COX11: variants seen among roughly 807,000 people sequenced by gnomAD.
COX11 encodes cytochrome c oxidase assembly protein COX11, mitochondrial.
In COX11, 18 loss-of-function variants were observed where a neutral mutation model predicts 29.4. The ratio of observed to expected loss-of-function variants is 0.61; its 90% CI spans 0.42 to 0.91. COX11 has a LOEUF of 0.91. Ranked by LOEUF, COX11 falls within the 40% of genes least tolerant of loss-of-function variation. The probability of loss-of-function intolerance (pLI) is 0.00; values close to 1 mark genes in which losing one functional copy is unlikely to be tolerated. For missense variants in COX11, 312 were observed against 346.0 expected, an observed-to-expected ratio of 0.90 and a Z score of 0.78; for synonymous variants, 131 against 124.0, an observed-to-expected ratio of 1.06 and a Z score of -0.38.
downstream of COX11, among the ~76,000 whole-genome samples, chr17:54,958,748 A>AAAAAAAAAAAAGG (rs372776781): frequency 8.4e-5 from 10 of 118,928 alleles, no homozygotes; most frequent in South Asian, 2.6e-4. Flanking sequence ...AAAAAAAAAA[A>AAAAAAAAAAAAGG]GGGGTTGTTG....
exon 1 of COX11, chr17:54,953,711 ATCT>A (rs1443461629): frequency 2.0e-5 from 3 of 152,162 alleles, no homozygotes; most frequent in South Asian, 4.1e-4. Context: ...GGGCTGCCGC[ATCT>A]TCTTGTCTTC....
intron 1 of COX11, among the ~76,000 whole-genome samples, chr17:54,967,040 GCGCACACA>G (rs1256491943): frequency 1.8e-4 from 7 of 38,448 alleles, no homozygotes; most frequent in African/African-American, 3.8e-4. Context: ...GTGCGCGCGC[GCGCACACA>G]CACACACACA....
Position 54,967,996 on chromosome 17 carries a change from C to CTTTTTT in COX11, c.366+279_366+284dup, listed in dbSNP as rs66732337. On this transcript the variant is annotated intron_variant, in intron 1 of 3. Coordinates refer to ENST00000299335, the MANE Select transcript of COX11 (RefSeq NM_004375.5). ...AGATACCCGGTTAGAGGCTGCGGAC[C>CTTTTTT]TTTTTTTTTTTTTTTGGCGAGGTGC... is the stretch of plus-strand genomic sequence containing the variant. Among the ~76,000 whole-genome samples, 801 of 124,436 alleles carry CTTTTTT rather than the reference C, an allele frequency of 6.4e-3. 36 individuals are homozygous for CTTTTTT. The highest frequency in any genetic ancestry group is 0.011 in the South Asian group (43 of 3,836). 81.6% of individuals were successfully genotyped at this position (124,436 alleles called of 152,430 possible). A position where few individuals can be genotyped will look rare whatever the true frequency, so the allele number is the denominator to read the frequency against.
At position 54,962,313 on chromosome 17, in the gene COX11, T is replaced by C. The variant is rs528297062; in HGVS notation, c.*420A>G. 1.5e-4 allele frequency: 153 copies of C among 987,136 alleles called. No individual in the cohort carries two copies. The African/African-American group carries it at 2.5e-3, about 16-fold the overall frequency. The allele number at this position is 987,136 out of a possible 1,614,324, so 61.1% of individuals were successfully genotyped here. A position where few individuals can be genotyped will look rare whatever the true frequency, so the allele number is the denominator to read the frequency against. ...TAGCAACCAACTCTTTTAGACACAA[T>C]AAACATGGTTAGAAGTTCTGGCCTA... is the stretch of plus-strand genomic sequence containing the variant. On this transcript the variant is annotated 3_prime_UTR_variant, in exon 4 of 4. Coordinates refer to ENST00000299335, the MANE Select transcript of COX11 (RefSeq NM_004375.5).
intron 3 of COX11, 108 bp downstream of exon 3, chr17:54,963,198 G>C (rs1401616175): frequency 8.8e-6 from 11 of 1,256,908 alleles, no homozygotes; most frequent in African/African-American, 1.5e-5. Flanking sequence ...TTGATGTTTA[G>C]AAGAAATTCG....
downstream of COX11, among the ~76,000 whole-genome samples, chr17:54,958,748 A>AAAAAAAGG (rs372776781): frequency 7.4e-4 from 88 of 118,902 alleles, 2 homozygotes; most frequent in Non-Finnish European, 9.7e-4. Context: ...AAAAAAAAAA[A>AAAAAAAGG]GGGGTTGTTG....
rs1156423533 is a variant in COX11 at position 54,964,703 on chromosome 17, TTC to T, written c.514_515del (p.Glu172AsnfsTer16). 1 of 1,613,766 alleles carries T rather than the reference TTC, an allele frequency of 6.2e-7. No homozygotes were observed. The highest frequency in any genetic ancestry group is 1.1e-5 in the South Asian group (1 of 91,064). On this transcript the variant is annotated frameshift_variant, in exon 2 of 4. Coordinates refer to ENST00000299335, the MANE Select transcript of COX11 (RefSeq NM_004375.5). LOFTEE classifies it high-confidence loss of function. ...LQWNFRPQQT[E>X]IYVVPGETAL... ...TGACTGGTTAGTCACTTACATATAT[TTC>T]TGTTTGCTGAGGTCTAAAGTTCCAC...
Position 54,964,763 on chromosome 17 carries a change from A to G in COX11, c.456T>C (p.Ile152=), listed in dbSNP as rs769891187. ...TTGCATGCACATCTGCATTAAAGCT[A>G]ATTTTAATGATTCGATCTTTAACAG... ...MVPVKDRIIK[I]SFNADVHASL... Residue 152 remains isoleucine, a synonymous_variant, in exon 2 of 4, where the codon ATT becomes ATC. Transcript: ENST00000299335. 83 of 1,613,948 alleles carry G rather than the reference A, an allele frequency of 5.1e-5. No homozygotes were observed. Among genetic ancestry groups the G allele is most frequent in the Non-Finnish European group, 6.2e-5 (73 of 1,179,960 alleles).
At position 54,952,417 on chromosome 17, in the gene COX11, C is replaced by T. The variant is rs377639921; in HGVS notation, n.2733G>A. On this transcript the variant is annotated non_coding_transcript_exon_variant, in exon 1 of 1. Coordinates refer to the COX11 transcript ENST00000572088. Reference sequence around the variant, plus strand: ...CAAAAATTAGGCAGGTGTGGTGGTGCGCACCTGTAGTCCCAGCTACTCAGG... The same window carrying T: ...CAAAAATTAGGCAGGTGTGGTGGTGTGCACCTGTAGTCCCAGCTACTCAGG... 1.5e-3 allele frequency: 221 copies of T among 151,886 alleles called. 6 individuals are homozygous for T. In the South Asian group the frequency reaches 0.043, roughly 30 times the overall value. 9.4% of individuals were successfully genotyped at this position (151,886 alleles called of 1,614,324 possible).
Position 54,968,615 on chromosome 17 carries a change from C to T in COX11, c.32G>A (p.Cys11Tyr). 20 of 1,612,908 alleles carry T rather than the reference C, an allele frequency of 1.2e-5. No homozygotes were observed. Among genetic ancestry groups the T allele is most frequent in the Non-Finnish European group, 1.5e-5 (18 of 1,180,008 alleles). Reference protein sequence around the residue: MGGLWRPGWRCVPFCGWRWIH... With the variant: MGGLWRPGWRYVPFCGWRWIH... ...CCAGCGCCAGCCACAGAAAGGAACGCACCTCCATCCAGGACGCCAGAGCCC... is the reference window on the plus strand; with the variant it reads ...CCAGCGCCAGCCACAGAAAGGAACGTACCTCCATCCAGGACGCCAGAGCCC... Residue 11 changes from cysteine to tyrosine, a missense_variant, in exon 1 of 4, where the codon TGC becomes TAC. By Grantham distance (194) the Cys-to-Tyr change is radical (BLOSUM62 -2). Coordinates refer to ENST00000299335, the MANE Select transcript of COX11 (RefSeq NM_004375.5).
At chr17:54,964,584 G>T in intron 2 of COX11, 113 bp downstream of exon 2, 3 of 988,264 alleles carry the variant, frequency 3.0e-6, no homozygotes, top group Non-Finnish European at 4.6e-6. Flanking sequence ...AATGGAAAAT[G>T]CCATGTTTTA....
chr17:54,968,545 C>T lies in COX11; in HGVS notation c.102G>A (p.Pro34=). 1 of 1,613,140 alleles carries T rather than the reference C, an allele frequency of 6.2e-7. No individual in the cohort carries two copies. Among genetic ancestry groups the T allele is most frequent in the East Asian group, 2.2e-5 (1 of 44,842 alleles). Residue 34 remains proline, a synonymous_variant, in exon 1 of 4, where the codon CCG becomes CCA. Transcript: ENST00000299335. ...TCCCACTCCACTCTGGCCTAAGAAACGGCTCTACCCTCTCTGCAGCCCTGG... is the reference window on the plus strand; with the variant it reads ...TCCCACTCCACTCTGGCCTAAGAAATGGCTCTACCCTCTCTGCAGCCCTGG... The part of the protein sequence containing the change: ...SPTRAAERVE[P]FLRPEWSGTG...
chr17:54,962,705 ACTT>A lies in COX11; in HGVS notation c.*25_*27del. ...ATATATGATTTTCCCAAAAATCACA[ACTT>A]TGAAGGAAGACTTAGTTGCTGACTT... is the stretch of plus-strand genomic sequence containing the variant. On this transcript the variant is annotated 3_prime_UTR_variant, in exon 4 of 4. Coordinates refer to ENST00000299335, the MANE Select transcript of COX11 (RefSeq NM_004375.5). 6.2e-7 allele frequency: 1 copy of A among 1,601,144 alleles called. No individual in the cohort carries two copies. Among genetic ancestry groups the A allele is most frequent in the South Asian group, 1.1e-5 (1 of 87,640 alleles).
chr17:54,959,361 C>A (rs987926512), downstream of COX11: 1 of 152,050 alleles, frequency 6.6e-6, no homozygotes, highest in Non-Finnish European at 1.5e-5. Context: ...GCCTCTAATC[C>A]CAACATTTTG....
At chr17:54,966,723 G>T (rs12952523) in intron 1 of COX11, among the ~76,000 whole-genome samples, 26,571 of 152,184 alleles carry the variant, frequency 0.17, 2,984 homozygotes, top group Non-Finnish European at 0.24. Context: ...GGTAGTTTTA[G>T]AATTCATGCT....
rs2077298846 is a variant in COX11 at position 54,968,141 on chromosome 17, T to C, written c.366+140A>G. On this transcript the variant is annotated intron_variant, in intron 1 of 3. Transcript: ENST00000299335. ...TGACTTTGGGTGTTAAGTGACTGTT[T>C]TGAACCTCTCTCCTCTTAGGTAGAT... 9 of 1,356,314 alleles carry C rather than the reference T, an allele frequency of 6.6e-6. No homozygotes were observed. In the South Asian group the frequency reaches 8.7e-5, roughly 13 times the overall value. 84.0% of individuals were successfully genotyped at this position (1,356,314 alleles called of 1,614,324 possible).
chr17:54,952,546 CAAAAA>C (rs71159275), exon 1 of COX11: 1,363 of 90,168 alleles, frequency 0.015, 19 homozygotes, highest in African/African-American at 0.053. Flanking sequence ...GAGACTGTCT[CAAAAA>C]AAAAAAAAAA....
chr17:54,952,139 G>A (rs1379245059), exon 1 of COX11: 2 of 152,140 alleles, frequency 1.3e-5, no homozygotes, highest in Non-Finnish European at 2.9e-5. Context: ...TTACGAAGAG[G>A]TTAAAGATGC....
In COX11 at chr17:54,962,327, A is replaced by C. The variant is rs985849676; in HGVS notation, c.*406T>G. 3 of 987,402 alleles carry C rather than the reference A, an allele frequency of 3.0e-6. No individual in the cohort carries two copies. The African/African-American group carries it at 5.2e-5, about 17-fold the overall frequency. 61.2% of individuals were successfully genotyped at this position (987,402 alleles called of 1,614,324 possible). A position where few individuals can be genotyped will look rare whatever the true frequency, so the allele number is the denominator to read the frequency against. The stretch of plus-strand genomic sequence containing the variant: ...TTTAGACACAATAAACATGGTTAGA[A>C]GTTCTGGCCTATGACTTGAAACAAA... On this transcript the variant is annotated 3_prime_UTR_variant, in exon 4 of 4. Coordinates refer to ENST00000299335, the MANE Select transcript of COX11 (RefSeq NM_004375.5).
Sources: gnomAD v4.1 joint callset for allele counts (sites outside exome capture counted in the v4.1 genomes callset) on GRCh38, gnomAD v4.1.1 for gene constraint, MANE v1.5 for transcripts, NCBI Gene and HGNC (gene_info 2026-07-23, HGNC 2026-07-21) for gene names.